The following GALNT1 variants were observed in gnomAD, a reference collection of about 807,000 sequenced individuals.
GALNT1 encodes the protein GalNAc transferase 1.
Under a neutral mutation model 65.7 loss-of-function variants are expected in GALNT1, and 17 were observed. That is an observed-to-expected ratio of 0.26 (90% CI 0.18 to 0.39). GALNT1 has a LOEUF of 0.39. GALNT1 is among the 10% of genes least tolerant of loss of function. The pLI, the probability that GALNT1 is intolerant of heterozygous loss-of-function variation, is 1.00. For missense variants in GALNT1, 460 were observed against 672.8 expected (o/e 0.68, Z 3.50); for synonymous variants, 210 against 219.7 (o/e 0.96, Z 0.39).
At chr18:35,697,723 G>A (rs1207506303) in intron 9 of GALNT1, among the ~76,000 whole-genome samples, 2 of 152,178 alleles carry the variant, frequency 1.3e-5, no homozygotes, top group African/African-American at 2.4e-5. Flanking sequence ...CTTTGAAAGT[G>A]TGGATATTCA....
At chr18:35,645,891 C>T (rs749111496) in intron 1 of GALNT1, among the ~76,000 whole-genome samples, 67 of 152,252 alleles carry the variant, frequency 4.4e-4, no homozygotes, top group Non-Finnish European at 7.8e-4. Flanking sequence ...TTTTCGGTTG[C>T]TGAGTAATGA....
At chr18:35,583,773 A>G (rs548791687) in intron 1 of GALNT1, among the ~76,000 whole-genome samples, 1 of 152,302 alleles carries the variant, frequency 6.6e-6, no homozygotes, top group African/African-American at 2.4e-5. Flanking sequence ...TCATGACATC[A>G]GGTGAGAGAG....
At chr18:35,629,183 C>T (rs2046967471) in intron 1 of GALNT1, among the ~76,000 whole-genome samples, 1 of 152,156 alleles carries the variant, frequency 6.6e-6, no homozygotes, top group Admixed American at 6.5e-5. Context: ...CCAAGCAAGG[C>T]AGGCCAACAT....
intron 2 of GALNT1, among the ~76,000 whole-genome samples, chr18:35,658,134 C>T (rs1413603648): frequency 2.6e-5 from 4 of 152,138 alleles, no homozygotes; most frequent in South Asian, 2.1e-4. Flanking sequence ...CTGAAAGTAA[C>T]GGAGGTATGA....
At chr18:35,628,235 G>C (rs745506149) in intron 1 of GALNT1, among the ~76,000 whole-genome samples, 25 of 152,162 alleles carry the variant, frequency 1.6e-4, no homozygotes, top group Non-Finnish European at 3.2e-4. Context: ...CTCCCAGCAT[G>C]GAGTTTGAGA....
At chr18:35,617,269 T>C (rs190176876) in intron 1 of GALNT1, among the ~76,000 whole-genome samples, 7 of 152,274 alleles carry the variant, frequency 4.6e-5, no homozygotes, top group African/African-American at 1.4e-4. Context: ...GCTTGGCATA[T>C]AGTAGGGCAG....
chr18:35,648,024 G>GAAGA (rs535059591), intron 1 of GALNT1, among the ~76,000 whole-genome samples: 14 of 145,836 alleles, frequency 9.6e-5, no homozygotes, highest in African/African-American at 3.6e-4. Context: ...AAAACAAAAA[G>GAAGA]AGAAGAAGAA....
intron 9 of GALNT1, among the ~76,000 whole-genome samples, chr18:35,700,776 C>T (rs1262691569): frequency 3.9e-5 from 6 of 152,118 alleles, no homozygotes; most frequent in East Asian, 3.9e-4. Flanking sequence ...TGAGCCACCA[C>T]GCCCCGCCAA....
At chr18:35,663,936 A>G in intron 3 of GALNT1, 134 bp downstream of exon 3, 1 of 719,634 alleles carries the variant, frequency 1.4e-6, no homozygotes, top group Non-Finnish European at 2.3e-6. Context: ...CCACTTAGAA[A>G]ATAATTAAAT....
intron 1 of GALNT1, among the ~76,000 whole-genome samples, chr18:35,632,552 A>C (rs568533932): frequency 2.0e-5 from 3 of 152,270 alleles, no homozygotes; most frequent in Non-Finnish European, 4.4e-5. Flanking sequence ...ACTTAATTCA[A>C]GATGGATTAA....
Position 35,687,089 on chromosome 18 carries a change from A to T in GALNT1, c.763A>T (p.Thr255Ser). Residue 255 changes from threonine to serine, a missense_variant, in exon 6 of 12, where the codon ACC (threonine) becomes TCC (serine). Coordinates refer to ENST00000269195, the MANE Select transcript of GALNT1 (RefSeq NM_020474.4). ...TFEYMAGSDMTYGGFNWKLNF... is the reference protein window; with the variant it reads ...TFEYMAGSDMSYGGFNWKLNF... ...TGAGTACATGGCAGGCTCTGATATG[A>T]CCTATGGTGGGTTCAACTGGAAGCT... The T allele has an allele frequency of 1.9e-6, 3 of 1,613,878 alleles. No homozygotes were observed. Among genetic ancestry groups the T allele is most frequent in the Non-Finnish European group, 2.5e-6 (3 of 1,179,844 alleles).
intron 1 of GALNT1, among the ~76,000 whole-genome samples, chr18:35,582,451 G>C (rs945350194): frequency 1.3e-5 from 2 of 152,216 alleles, no homozygotes; most frequent in Non-Finnish European, 2.9e-5. Context: ...ACCAGGAATT[G>C]GGATGATTTG....
At position 35,707,722 on chromosome 18, in the gene GALNT1, T is replaced by C. The variant is rs181468582; in HGVS notation, c.1534-1902T>C. ...TCCCAACTAAATTTTTTGTTGTGCC[T>C]AGTTGGGGGTTTTTTGTTTTTAGTA... On this transcript the variant is annotated intron_variant, in intron 11 of 11. Coordinates refer to ENST00000269195, the MANE Select transcript of GALNT1 (RefSeq NM_020474.4). Among the ~76,000 whole-genome samples, 542 of 152,346 alleles carry C rather than the reference T, an allele frequency of 3.6e-3. 2 individuals are homozygous for C. The highest frequency in any genetic ancestry group is 6.2e-3 in the Non-Finnish European group (420 of 68,030).
At position 35,711,373 on chromosome 18, in the gene GALNT1, T is replaced by C. The variant is rs1451274491; in HGVS notation, c.*1603T>C. ...TTTCCAAAAGTCGCATCGCTAATGA[T>C]ATTTGCCAAGTTGAGTGTACACAAA... On this transcript the variant is annotated 3_prime_UTR_variant, in exon 12 of 12. Transcript: ENST00000269195. The C allele has an allele frequency of 6.5e-6, 1 of 152,786 alleles. No homozygotes were observed. The highest frequency in any genetic ancestry group is 1.9e-4 in the East Asian group (1 of 5,190). 9.5% of individuals were successfully genotyped at this position (152,786 alleles called of 1,614,324 possible).
At chr18:35,647,917 C>T (rs55953335) in intron 1 of GALNT1, among the ~76,000 whole-genome samples, 2,429 of 151,832 alleles carry the variant, frequency 0.016, 31 homozygotes, top group African/African-American at 0.028. Context: ...CGTGGTGGTG[C>T]GTGCCTGTAA....
intron 11 of GALNT1, among the ~76,000 whole-genome samples, chr18:35,704,311 CTT>C (rs111370047): frequency 2.5e-4 from 35 of 140,956 alleles, no homozygotes; most frequent in African/African-American, 2.8e-4. Flanking sequence ...AAACAGATGA[CTT>C]TTTTTTTTTT....
chr18:35,636,992 T>C (rs2047099486), intron 1 of GALNT1, among the ~76,000 whole-genome samples: 1 of 152,072 alleles, frequency 6.6e-6, no homozygotes, highest in Admixed American at 6.6e-5. Flanking sequence ...GTTATTATTG[T>C]AATCATTTTG....
chr18:35,600,640 A>T (rs1300440598), intron 1 of GALNT1, among the ~76,000 whole-genome samples: 1 of 152,070 alleles, frequency 6.6e-6, no homozygotes, highest in Non-Finnish European at 1.5e-5. Flanking sequence ...CATTCAGTAC[A>T]ATGTTAGCTG....
chr18:35,672,230 G>A (rs2047647417), intron 3 of GALNT1, among the ~76,000 whole-genome samples: 1 of 152,230 alleles, frequency 6.6e-6, no homozygotes, highest in Non-Finnish European at 1.5e-5. Context: ...TCTGTTCAAG[G>A]AGTGAGCTCC....
Sources: gnomAD v4.1 joint callset for allele counts (sites outside exome capture counted in the v4.1 genomes callset) on GRCh38, gnomAD v4.1.1 for gene constraint, MANE v1.5 for transcripts, NCBI Gene and HGNC (gene_info 2026-07-23, HGNC 2026-07-21) for gene names.